The following TNFSF11 variants were observed in gnomAD, a reference collection of about 807,000 sequenced individuals.
TNFSF11 encodes TNF superfamily member 11.
TNFSF11 carries 12 observed loss-of-function variants against 32.2 expected under a neutral mutation model. The observed-to-expected ratio is 0.37, with a 90% CI of 0.24 to 0.60. The LOEUF (loss-of-function observed/expected upper bound fraction) is 0.60. Among genes scored for constraint, TNFSF11 ranks in the 20% least tolerant of loss-of-function variants. The probability of loss-of-function intolerance (pLI) is 0.66; values close to 1 mark genes in which losing one functional copy is unlikely to be tolerated. For synonymous variants in TNFSF11, 172 were observed against 152.1 expected, an observed-to-expected ratio of 1.13 and a Z score of -0.96; for missense variants, 345 against 398.0, an observed-to-expected ratio of 0.87 and a Z score of 1.13.
chr13:42,605,747 G>A (rs1179694102), intron 4 of TNFSF11, among the ~76,000 whole-genome samples: 1 of 152,186 alleles, frequency 6.6e-6, no homozygotes, highest in Non-Finnish European at 1.5e-5. Flanking sequence ...GGAGTGCAAT[G>A]CTAAGAATAT....
chr13:42,564,428 G>T (rs1005110257), intron 1 of TNFSF11, among the ~76,000 whole-genome samples: 1 of 152,068 alleles, frequency 6.6e-6, no homozygotes, highest in South Asian at 2.1e-4. Context: ...TTAGCCGGGC[G>T]TGGTGGCACA....
intron 2 of TNFSF11, 126 bp from the exon 3 acceptor site, chr13:42,600,626 A>G: frequency 3.9e-6 from 4 of 1,031,648 alleles, no homozygotes; most frequent in Non-Finnish European, 5.7e-6. Flanking sequence ...TTCACTGCCA[A>G]TGTTACTATG....
intron 2 of TNFSF11, among the ~76,000 whole-genome samples, chr13:42,593,401 T>A (rs1566383822): frequency 6.6e-6 from 1 of 152,176 alleles, no homozygotes; most frequent in East Asian, 1.9e-4. Context: ...TAGGATGCAC[T>A]CTAACCTCAG....
At chr13:42,575,591 G>GT (rs1873271502) in intron 1 of TNFSF11, among the ~76,000 whole-genome samples, 1 of 152,114 alleles carries the variant, frequency 6.6e-6, no homozygotes, top group South Asian at 2.1e-4. Context: ...GGATTGTATG[G>GT]TTTTTTGACA....
At chr13:42,601,025 A>G in intron 4 of TNFSF11, 44 bp downstream of exon 4, 1 of 1,605,478 alleles carries the variant, frequency 6.2e-7, no homozygotes, top group Non-Finnish European at 8.5e-7. Flanking sequence ...TTTAAGAGTC[A>G]TTTATCAGCC....
chr13:42,587,825 T>A (rs1290765409), intron 2 of TNFSF11, among the ~76,000 whole-genome samples: 1 of 152,240 alleles, frequency 6.6e-6, no homozygotes, highest in Non-Finnish European at 1.5e-5. Flanking sequence ...TCATTCCTAT[T>A]TTTGAACTAA....
upstream of TNFSF11, chr13:42,571,592 C>G (rs995457057): frequency 6.6e-6 from 1 of 152,166 alleles, no homozygotes. Flanking sequence ...TATTCTCCAT[C>G]TCCTGGGCTC....
At chr13:42,563,133 G>A (rs974624199) in intron 1 of TNFSF11, among the ~76,000 whole-genome samples, 1 of 152,158 alleles carries the variant, frequency 6.6e-6, no homozygotes, top group African/African-American at 2.4e-5. Flanking sequence ...ACCAACCCAG[G>A]TTATAACTTT....
chr13:42,605,223 A>T (rs1012081814), intron 4 of TNFSF11, among the ~76,000 whole-genome samples: 3 of 152,150 alleles, frequency 2.0e-5, no homozygotes, highest in Non-Finnish European at 2.9e-5. Flanking sequence ...GCCTGACCTA[A>T]GTTGTGGTTG....
At chr13:42,601,914 T>TTCCCAGTCATGATGATGA (rs1869195854) in intron 4 of TNFSF11, among the ~76,000 whole-genome samples, 1 of 152,222 alleles carries the variant, frequency 6.6e-6, no homozygotes, top group South Asian at 2.1e-4. Flanking sequence ...TTGTCATTTG[T>TTCCCAGTCATGATGATGA]TCCCAGTCAT....
chr13:42,592,546 G>A (rs953563525), intron 2 of TNFSF11, among the ~76,000 whole-genome samples: 9 of 152,230 alleles, frequency 5.9e-5, no homozygotes, highest in Non-Finnish European at 1.3e-4. Context: ...GAAGGCAGTG[G>A]TTACCCTGGC....
At position 42,574,260 on chromosome 13, in the gene TNFSF11, A is replaced by T; in HGVS notation, c.-44A>T. On this transcript the variant is annotated 5_prime_UTR_variant, in exon 1 of 5. Coordinates refer to ENST00000398795, the MANE Select transcript of TNFSF11 (RefSeq NM_003701.4). ...TTGGCCGCAGACAAGAAGGGGAGGG[A>T]GCGGGAGAGGGAGGAGAGCTCCGAA... The T allele has an allele frequency of 1.3e-6, 2 of 1,541,532 alleles. No homozygotes were observed. Among genetic ancestry groups the T allele is most frequent in the Non-Finnish European group, 1.8e-6 (2 of 1,142,168 alleles).
chr13:42,572,721 T>A (rs1566372968), upstream of TNFSF11, among the ~76,000 whole-genome samples: 1 of 152,078 alleles, frequency 6.6e-6, no homozygotes, highest in African/African-American at 2.4e-5. Context: ...TGGCTGCCTT[T>A]AAAAAAAATT....
chr13:42,606,158 C>T (rs987184067), intron 4 of TNFSF11, among the ~76,000 whole-genome samples: 3 of 152,294 alleles, frequency 2.0e-5, no homozygotes, highest in African/African-American at 4.8e-5. Context: ...CTTGTCTCTC[C>T]GTCCTTTGAG....
upstream of TNFSF11, chr13:42,571,498 A>T (rs1873067375): frequency 6.6e-6 from 1 of 152,060 alleles, no homozygotes; most frequent in Non-Finnish European, 1.5e-5. Flanking sequence ...CCTTCTGAGT[A>T]ACTGGGACCA....
At chr13:42,563,569 A>G (rs1263949477) in intron 1 of TNFSF11, among the ~76,000 whole-genome samples, 2 of 151,964 alleles carry the variant, frequency 1.3e-5, no homozygotes, top group African/African-American at 4.8e-5. Context: ...GGACTGAAGA[A>G]GAAGAATCAC....
intron 2 of TNFSF11, among the ~76,000 whole-genome samples, chr13:42,599,345 CTATCATCTATCT>C (rs1336125951): frequency 1.0e-4 from 10 of 98,960 alleles, no homozygotes; most frequent in African/African-American, 3.4e-4. Flanking sequence ...ATCTATCTAT[CTATCATCTATCT>C]ATCTATCTAT....
intron 2 of TNFSF11, among the ~76,000 whole-genome samples, chr13:42,584,711 T>TAATC (rs1013906328): frequency 1.3e-5 from 2 of 152,232 alleles, no homozygotes; most frequent in Non-Finnish European, 2.9e-5. Flanking sequence ...CAGGCAAGAA[T>TAATC]AATCAACTGC....
At chr13:42,574,936 G>A (rs1280871582) in intron 1 of TNFSF11, among the ~76,000 whole-genome samples, 3 of 152,348 alleles carry the variant, frequency 2.0e-5, no homozygotes, top group South Asian at 2.1e-4. Flanking sequence ...GCCTTCACTT[G>A]GGCATCTACC....
Sources: gnomAD v4.1 joint callset for allele counts (sites outside exome capture counted in the v4.1 genomes callset) on GRCh38, gnomAD v4.1.1 for gene constraint, MANE v1.5 for transcripts, NCBI Gene and HGNC (gene_info 2026-07-23, HGNC 2026-07-21) for gene names.